CDC45: variants seen among roughly 807,000 people sequenced by gnomAD.
CDC45 encodes the protein cell division cycle 45, also known as cell division control protein 45 homolog.
A neutral mutation model predicts 77.8 loss-of-function variants in CDC45; 54 were observed. The ratio of observed to expected loss-of-function variants is 0.69; its 90% CI spans 0.56 to 0.87. The LOEUF is 0.87. Among genes scored for constraint, CDC45 ranks in the 40% least tolerant of loss-of-function variants. The pLI is 0.00. For missense variants in CDC45, 649 were observed against 721.6 expected, an observed-to-expected ratio of 0.90 and a Z score of 1.15; for synonymous variants, 260 against 272.1, an observed-to-expected ratio of 0.96 and a Z score of 0.44.
chr22:19,498,693 C>A (rs1242429093), intron 8 of CDC45, among the ~76,000 whole-genome samples: 2 of 152,168 alleles, frequency 1.3e-5, no homozygotes, highest in Non-Finnish European at 2.9e-5. Context: ...TGAAGTGATA[C>A]CAGGGTCACC....
Position 19,490,473 on chromosome 22 carries a change from C to G in CDC45, c.487-3854C>G, listed in dbSNP as rs373774787. On this transcript the variant is annotated intron_variant, in intron 5 of 18. Coordinates refer to ENST00000263201, the MANE Select transcript of CDC45 (RefSeq NM_003504.5). The stretch of plus-strand genomic sequence containing the variant: ...CACTGCAACCTCTGCCTCCCAGGTT[C>G]AAGCAATTCTCCTGCCTCAGCCTCC... 1.2e-4 allele frequency among the ~76,000 whole-genome samples: 19 copies of G among 152,186 alleles called. No individual in the cohort carries two copies. In the East Asian group the frequency reaches 3.5e-3, roughly 28 times the overall value.
At chr22:19,516,377 G>C in intron 15 of CDC45, 150 bp from the exon 16 acceptor site, 1 of 693,770 alleles carries the variant, frequency 1.4e-6, no homozygotes, top group Non-Finnish European at 2.6e-6. Flanking sequence ...TCTAACTTGG[G>C]GTGGCTGGGT....
At chr22:19,492,964 G>C (rs962172114) in intron 5 of CDC45, among the ~76,000 whole-genome samples, 1 of 152,208 alleles carries the variant, frequency 6.6e-6, no homozygotes, top group Non-Finnish European at 1.5e-5. Context: ...CCCAGAGGTG[G>C]GGTGTGGACT....
At position 19,480,937 on chromosome 22, in the gene CDC45, A is replaced by G; in HGVS notation, c.112-16A>G. The G allele has an allele frequency of 6.4e-7, 1 of 1,564,932 alleles. No individual in the cohort carries two copies. On this transcript the variant is annotated splice_polypyrimidine_tract_variant and intron_variant, in intron 2 of 18. Transcript: ENST00000263201. ...TGTCCTAAATAAGATAGGCTTTGAA[A>G]ACACTCTCTCTCCAGGCCTTGTTCC...
At chr22:19,498,157 A>G (rs1256874334) in intron 8 of CDC45, among the ~76,000 whole-genome samples, 2 of 152,076 alleles carry the variant, frequency 1.3e-5, no homozygotes, top group African/African-American at 4.8e-5. Flanking sequence ...CTGGGCGACA[A>G]GAATGAAACT....
At chr22:19,500,699 G>GC (rs2090325755) in intron 9 of CDC45, among the ~76,000 whole-genome samples, 1 of 151,918 alleles carries the variant, frequency 6.6e-6, no homozygotes, top group Non-Finnish European at 1.5e-5. Context: ...CAATTTTCCA[G>GC]CCCTCCACAG....
At chr22:19,494,204 G>T in intron 5 of CDC45, 123 bp from the exon 6 acceptor site, 5 of 794,440 alleles carry the variant, frequency 6.3e-6, no homozygotes, top group South Asian at 1.5e-5. Flanking sequence ...GCACTGGTGT[G>T]ACCGTGTTCT....
rs185905694 is a variant in CDC45 at position 19,503,396 on chromosome 22, C to T, written c.705-1966C>T. Among the ~76,000 whole-genome samples the T allele has an allele frequency of 7.9e-5, 12 of 152,294 alleles. No individual in the cohort carries two copies. The East Asian group carries it at 1.7e-3, about 22-fold the overall frequency. On this transcript the variant is annotated intron_variant, in intron 9 of 18. Coordinates refer to ENST00000263201, the MANE Select transcript of CDC45 (RefSeq NM_003504.5). Reference sequence around the variant, plus strand: ...TGCAGACACTGATCATTCCACTCTGCGCCCAGATTTGACGTGGCGAGGCTC... The same window carrying T: ...TGCAGACACTGATCATTCCACTCTGTGCCCAGATTTGACGTGGCGAGGCTC...
chr22:19,515,755 C>T (rs1056713243), intron 15 of CDC45, among the ~76,000 whole-genome samples: 1 of 152,208 alleles, frequency 6.6e-6, no homozygotes, highest in Non-Finnish European at 1.5e-5. Flanking sequence ...AAAGATGAGC[C>T]TCCTCATTTG....
In CDC45 at chr22:19,516,634, G is replaced by T. The variant is rs148557461; in HGVS notation, c.1548G>T (p.Ser516=). 84 of 1,613,398 alleles carry T rather than the reference G, an allele frequency of 5.2e-5. No individual in the cohort carries two copies. The highest frequency in any genetic ancestry group is 7.0e-5 in the Non-Finnish European group (82 of 1,179,550). Residue 516 remains serine, a synonymous_variant, in exon 16 of 19, where the codon TCG becomes TCT. Coordinates refer to ENST00000263201, the MANE Select transcript of CDC45 (RefSeq NM_003504.5). ...VVGIPPETDS[S]DRKNFFGRAF... is the part of the protein sequence containing the mutation. ...GCATCCCCCCAGAGACCGACAGCTC[G>T]GACAGGAAGAAGTGAGCAGCTTCCA...
intron 5 of CDC45, among the ~76,000 whole-genome samples, chr22:19,484,923 CTTTTTGTTTTTTGTTTTT>C (rs2090041872): frequency 1.4e-5 from 2 of 147,470 alleles, no homozygotes; most frequent in African/African-American, 4.9e-5. Context: ...TTTTGGAAGA[CTTTTTGTTTTTTGTTTTT>C]TTTTTGTTTT....
Position 19,479,932 on chromosome 22 carries a change from C to T in CDC45, c.-37C>T, listed in dbSNP as rs1179865376. The T allele has an allele frequency of 6.2e-7, 1 of 1,611,232 alleles. No homozygotes were observed. The highest frequency in any genetic ancestry group is 1.7e-5 in the Admixed American group (1 of 60,022). On this transcript the variant is annotated 5_prime_UTR_variant, in exon 1 of 19. Transcript: ENST00000263201. ...CTTGACCGCCGCCGGGCTCTTGGTA[C>T]CTCAGCGCGAGCGCCAGGCGTCCGG...
chr22:19,508,789 C>T (rs1933355017), intron 13 of CDC45, 98 bp downstream of exon 13: 1 of 1,173,626 alleles, frequency 8.5e-7, no homozygotes, highest in African/African-American at 1.5e-5. Context: ...GTGGGAGTGA[C>T]TGTGTCCTGC....
At chr22:19,482,905 G>A in intron 4 of CDC45, 78 bp downstream of exon 4, 1 of 1,366,538 alleles carries the variant, frequency 7.3e-7, no homozygotes, top group Non-Finnish European at 1.0e-6. Context: ...TTCTTGGTAA[G>A]GTGTGTGTCT....
At chr22:19,515,213 C>G (rs545307191) in intron 15 of CDC45, among the ~76,000 whole-genome samples, 165 bp downstream of exon 15, 1 of 152,290 alleles carries the variant, frequency 6.6e-6, no homozygotes, top group South Asian at 2.1e-4. Context: ...CAGCTGACCC[C>G]TAGGAACCTT....
chr22:19,505,584 G>A, intron 10 of CDC45, 103 bp downstream of exon 10: 8 of 1,337,536 alleles, frequency 6.0e-6, no homozygotes, highest in Non-Finnish European at 8.4e-6. Context: ...CCCCAGGAGG[G>A]AAAGCAGGTG....
rs373203909 is a variant in CDC45 at position 19,480,153 on chromosome 22, G to T, written c.52-5G>T. 145 of 1,613,922 alleles carry T rather than the reference G, an allele frequency of 9.0e-5. No individual in the cohort carries two copies. Among genetic ancestry groups the T allele is most frequent in the Non-Finnish European group, 1.2e-4 (139 of 1,179,948 alleles). ...GTGTTCAGCCGGTCTGCTCTTCCCC[G>T]ATAGAGGGTCCTTCTCTTCGTGGCC... is the stretch of plus-strand genomic sequence containing the variant. On this transcript the variant is annotated splice_polypyrimidine_tract_variant and splice_region_variant and intron_variant, in intron 1 of 18. Coordinates refer to ENST00000263201, the MANE Select transcript of CDC45 (RefSeq NM_003504.5).
At chr22:19,500,209 C>T (rs1178778334) in intron 9 of CDC45, among the ~76,000 whole-genome samples, 2 of 152,236 alleles carry the variant, frequency 1.3e-5, no homozygotes, top group African/African-American at 2.4e-5. Flanking sequence ...GTGAGGCCCC[C>T]ACGGTCACTG....
intron 7 of CDC45, among the ~76,000 whole-genome samples, chr22:19,497,095 C>T (rs537899582): frequency 6.6e-6 from 1 of 152,352 alleles, no homozygotes; most frequent in African/African-American, 2.4e-5. Context: ...CCAGCCAGTG[C>T]TGCACCCGGG....
Sources: allele counts gnomAD v4.1 joint callset (sites outside exome capture counted in the v4.1 genomes callset), GRCh38; gene constraint gnomAD v4.1.1; transcripts MANE v1.5; gene names NCBI Gene and HGNC (gene_info 2026-07-23, HGNC 2026-07-21).